The following PLRG1 variants were observed in gnomAD, a reference collection of about 807,000 sequenced individuals.
PLRG1 encodes the protein pleiotropic regulator 1 (PRL1 homolog, Arabidopsis).
A neutral mutation model predicts 74.9 loss-of-function variants in PLRG1; 28 were observed. The observed-to-expected ratio is 0.37, with a 90% confidence interval of 0.28 to 0.51. PLRG1 has a LOEUF of 0.51. PLRG1 is among the 20% of genes least tolerant of loss of function. The pLI is 0.91. For synonymous variants in PLRG1, 197 were observed against 212.4 expected (o/e 0.93, Z 0.63); for missense variants, 445 against 631.9 (o/e 0.70, Z 3.17).
intron 6 of PLRG1, among the ~76,000 whole-genome samples, chr4:154,545,218 A>T (rs1343607380): frequency 6.6e-6 from 1 of 152,186 alleles, no homozygotes; most frequent in Non-Finnish European, 1.5e-5. Flanking sequence ...AGGAAAGGAG[A>T]TGTGGCAGTT....
chr4:154,546,563 T>C, intron 4 of PLRG1: 1 of 297,102 alleles, frequency 3.4e-6, no homozygotes, highest in Non-Finnish European at 6.3e-6. Flanking sequence ...TTACTAAAAC[T>C]AGAAACACCC....
intron 4 of PLRG1, chr4:154,546,500 G>A (rs1056112153): frequency 3.6e-5 from 13 of 363,004 alleles, no homozygotes; most frequent in African/African-American, 2.8e-4. Flanking sequence ...TTTCAAGTCA[G>A]TATTAAGCAG....
At chr4:154,546,036 T>C in intron 5 of PLRG1, 87 bp downstream of exon 5, 1 of 1,067,670 alleles carries the variant, frequency 9.4e-7, no homozygotes. Context: ...GAAAATGTCA[T>C]ATAATAGTTA....
Position 154,536,177 on chromosome 4 carries a change from C to G in PLRG1, c.*508G>C, listed in dbSNP as rs966369091. On this transcript the variant is annotated 3_prime_UTR_variant, in exon 15 of 15. Coordinates refer to ENST00000499023, the MANE Select transcript of PLRG1 (RefSeq NM_002669.4). ...AGTCTTAGAGGATAGACACATCTTA[C>G]TTGTCTATTTCCTGAACAGTATCTA... 1 of 153,816 alleles carries G rather than the reference C, an allele frequency of 6.5e-6. No individual in the cohort carries two copies. Among genetic ancestry groups the G allele is most frequent in the Non-Finnish European group, 1.4e-5 (1 of 69,436 alleles). The allele number at this position is 153,816 out of a possible 1,614,324, so 9.5% of individuals were successfully genotyped here.
chr4:154,543,828 ATT>A (rs1560807948), intron 7 of PLRG1: 2 of 152,228 alleles, frequency 1.3e-5, no homozygotes, highest in African/African-American at 4.8e-5. Flanking sequence ...TACTATGTAC[ATT>A]TTCTTTTTTA....
chr4:154,546,154 A>C lies in PLRG1; in HGVS notation c.373T>G (p.Ser125Ala). ...TGCAAAGGTAATGCCACCGCTAAGGACTGTGCAGCTGATTCACTTGGCATT... is the reference window on the plus strand; with the variant it reads ...TGCAAAGGTAATGCCACCGCTAAGGCCTGTGCAGCTGATTCACTTGGCATT... ...QRMPSESAAQ[S>A]LAVALPLQTK... is the part of the protein sequence containing the mutation. Residue 125 changes from serine to alanine, a missense_variant, in exon 5 of 15, where the codon TCC becomes GCC. This residue lies in a region of PLRG1 where 206 missense variants were observed against 210.8 expected (regional missense o/e 0.98). Coordinates refer to ENST00000499023, the MANE Select transcript of PLRG1 (RefSeq NM_002669.4). 3.7e-6 allele frequency: 6 copies of C among 1,605,986 alleles called. No homozygotes were observed. Among genetic ancestry groups the C allele is most frequent in the Non-Finnish European group, 5.1e-6 (6 of 1,172,718 alleles).
chr4:154,545,612 C>T (rs1430629186), intron 6 of PLRG1, among the ~76,000 whole-genome samples: 2 of 152,106 alleles, frequency 1.3e-5, no homozygotes, highest in African/African-American at 4.8e-5. Context: ...ACCAACATCA[C>T]ATTATCTTTA....
intron 8 of PLRG1, among the ~76,000 whole-genome samples, chr4:154,541,453 G>A (rs899905440): frequency 6.6e-6 from 1 of 152,098 alleles, no homozygotes; most frequent in Non-Finnish European, 1.5e-5. Context: ...TTGGGTATCA[G>A]CTTCAAAAAT....
intron 8 of PLRG1, 46 bp downstream of exon 8, chr4:154,542,141 A>G (rs374504315): frequency 1.7e-6 from 2 of 1,179,318 alleles, no homozygotes; most frequent in Middle Eastern, 1.9e-4. Flanking sequence ...TTAAACTTAC[A>G]TGACAAACAC....
chr4:154,546,836 T>A (rs773394519), intron 4 of PLRG1, 175 bp downstream of exon 4: 4 of 597,120 alleles, frequency 6.7e-6, no homozygotes, highest in Non-Finnish European at 1.2e-5. Flanking sequence ...TACTTAAGAA[T>A]GTTTGCTGAA....
At chr4:154,549,599 A>G (rs1265337038) in intron 1 of PLRG1, 2 of 443,852 alleles carry the variant, frequency 4.5e-6, no homozygotes, top group Non-Finnish European at 9.0e-6. Context: ...ACAACAGCCT[A>G]TATTTTGTTC....
At position 154,538,011 on chromosome 4, in the gene PLRG1, T is replaced by G; in HGVS notation, c.1249A>C (p.Asn417His). ...QNLSGHNAII[N>H]TLTVNSDGVL... The stretch of plus-strand genomic sequence containing the variant: ...CCATCAGAATTTACCGTCAATGTGT[T>G]AATAATAGCATTATGACCGGAAAGA... Residue 417 changes from asparagine (N) to histidine (H), a missense_variant, in exon 13 of 15, where the codon AAC becomes CAC. By Grantham distance (68) the Asn-to-His change is moderately conservative. Coordinates refer to ENST00000499023, the MANE Select transcript of PLRG1 (RefSeq NM_002669.4). 1.3e-6 allele frequency: 2 copies of G among 1,557,706 alleles called. No homozygotes were observed. The highest frequency in any genetic ancestry group is 8.8e-7 in the Non-Finnish European group (1 of 1,140,742).
chr4:154,547,662 T>C (rs896369298), intron 3 of PLRG1, 49 bp downstream of exon 3: 2 of 1,558,978 alleles, frequency 1.3e-6, no homozygotes, highest in Non-Finnish European at 8.8e-7. Flanking sequence ...ATTTTTCTGT[T>C]TTTAAAATTC....
intron 6 of PLRG1, 70 bp downstream of exon 6, chr4:154,545,766 C>A: frequency 4.5e-6 from 4 of 886,746 alleles, no homozygotes; most frequent in Non-Finnish European, 3.6e-6. Flanking sequence ...TTAATAATTC[C>A]AAAGAAGAGG....
rs1348721849 is a variant in PLRG1 at position 154,536,555 on chromosome 4, T to C, written c.*130A>G. 1.7e-5 allele frequency: 11 copies of C among 646,906 alleles called. No individual in the cohort carries two copies. The highest frequency in any genetic ancestry group is 2.8e-5 in the Non-Finnish European group (10 of 363,414). The allele number at this position is 646,906 out of a possible 1,614,324, so 40.1% of individuals were successfully genotyped here. On this transcript the variant is annotated 3_prime_UTR_variant, in exon 15 of 15. Coordinates refer to ENST00000499023, the MANE Select transcript of PLRG1 (RefSeq NM_002669.4). ...ATTGTAAAATATGAAGCAGCAATGATTGAAGCAAGTGAATTTCTCCTTTAT... is the reference window on the plus strand; with the variant it reads ...ATTGTAAAATATGAAGCAGCAATGACTGAAGCAAGTGAATTTCTCCTTTAT...
chr4:154,550,400 TG>T, upstream of PLRG1: 1 of 1,256,278 alleles, frequency 8.0e-7, no homozygotes, highest in South Asian at 1.2e-5. Flanking sequence ...CTTCCGGAAT[TG>T]GGCGCCCAGG....
chr4:154,541,994 T>TA, intron 8 of PLRG1, 193 bp downstream of exon 8: 1 of 550,068 alleles, frequency 1.8e-6, no homozygotes, highest in South Asian at 2.6e-5. Context: ...AAAGAAAAAG[T>TA]GGTTTAAATA....
Position 154,548,867 on chromosome 4 carries a change from T to A in PLRG1, c.78A>T (p.Val26=). 1 of 1,610,616 alleles carries A rather than the reference T, an allele frequency of 6.2e-7. No individual in the cohort carries two copies. Among genetic ancestry groups the A allele is most frequent in the Non-Finnish European group, 8.5e-7 (1 of 1,177,158 alleles). ...AAGGCACAGGTTTTCCATTATCAGC[T>A]ACAAACATGTCATGGGTCCTCTTCA... ...RSLKRTHDMF[V]ADNGKPVPLD... is the part of the protein sequence containing the mutation. The change falls in exon 2 of 15, where the codon GTA becomes GTT. Residue 26 remains valine, a synonymous_variant. Transcript: ENST00000499023.
intron 12 of PLRG1, among the ~76,000 whole-genome samples, chr4:154,538,519 C>T (rs556421137): frequency 8.1e-5 from 12 of 148,714 alleles, no homozygotes; most frequent in African/African-American, 2.2e-4. Flanking sequence ...GGAGGAGAGG[C>T]GAAATGGGAG....
Sources: gnomAD v4.1 joint callset for allele counts (sites outside exome capture counted in the v4.1 genomes callset) on GRCh38, gnomAD v4.1.1 for gene constraint, gnomAD v4.1.1 regional missense constraint, MANE v1.5 for transcripts, NCBI Gene and HGNC (gene_info 2026-07-23, HGNC 2026-07-21) for gene names.